The following NRDC variants were observed in gnomAD, a reference collection of about 807,000 sequenced individuals.
NRDC encodes nardilysin.
In NRDC, 54 loss-of-function variants were observed where a neutral mutation model predicts 147.1. The observed-to-expected ratio is 0.37, with a 90% CI of 0.29 to 0.46. The LOEUF (loss-of-function observed/expected upper bound fraction) is 0.46. Ranked by LOEUF, NRDC falls within the 20% of genes least tolerant of loss-of-function variation. NRDC has a pLI of 1.00. For missense variants in NRDC, 1,082 were observed against 1,370.6 expected (o/e 0.79, Z 3.33); for synonymous variants, 440 against 482.1 (o/e 0.91, Z 1.14).
intron 1 of NRDC, among the ~76,000 whole-genome samples, chr1:51,872,436 G>GTAC (rs1356293031): frequency 1.3e-5 from 2 of 152,224 alleles, no homozygotes. Context: ...GCCCGGTGCA[G>GTAC]TGGCTCATGC....
chr1:51,878,443 G>C lies in NRDC; in HGVS notation c.173C>G (p.Ser58Cys). 6.2e-7 allele frequency: 1 copy of C among 1,614,100 alleles called. No individual in the cohort carries two copies. The highest frequency in any genetic ancestry group is 8.5e-7 in the Non-Finnish European group (1 of 1,180,044). ...CTGCAGGTCAGGGCAGCTGCAGGTA[G>C]ACTTCGCCTTGTTCCTTCCAGGCAT... ...LAMPGRNKAK[S>C]TCSCPDLQPN... The change falls in exon 1 of 31, where the codon TCT becomes TGT. Residue 58 changes from serine to cysteine, a missense_variant. This residue lies in a region of NRDC where 260 missense variants were observed against 253.2 expected (regional missense o/e 1.03). Transcript: ENST00000352171.
intron 4 of NRDC, among the ~76,000 whole-genome samples, chr1:51,832,567 T>C (rs1478194893): frequency 6.6e-6 from 1 of 152,102 alleles, no homozygotes; most frequent in Non-Finnish European, 1.5e-5. Context: ...AAACGTGAGG[T>C]TTCTTTTTTC....
rs1683445875 is a variant in NRDC at position 51,878,536 on chromosome 1, A to G, written c.80T>C (p.Leu27Pro). The change falls in exon 1 of 31, where the codon CTC becomes CCC. Residue 27 changes from leucine to proline, a missense_variant. Leu to Pro is a moderately conservative substitution (Grantham distance 98). Transcript: ENST00000352171. ...CCGACCCCGCGTTTCGATTCCCCAG[A>G]GCGCCGCGAGCTCCCGCCCGGCCTC... The part of the protein sequence containing the change: ...LCEAGRELAA[L>P]WGIETRGRCE... 1 of 1,613,500 alleles carries G rather than the reference A, an allele frequency of 6.2e-7. No homozygotes were observed. Among genetic ancestry groups the G allele is most frequent in the Non-Finnish European group, 8.5e-7 (1 of 1,179,912 alleles).
intron 1 of NRDC, among the ~76,000 whole-genome samples, chr1:51,870,464 A>C (rs1322415175): frequency 6.6e-6 from 1 of 152,196 alleles, no homozygotes; most frequent in Admixed American, 6.5e-5. Flanking sequence ...AGTATTTACC[A>C]CGTATACACT....
intron 14 of NRDC, among the ~76,000 whole-genome samples, chr1:51,812,457 G>A (rs1360488276): frequency 6.6e-6 from 1 of 152,086 alleles, no homozygotes; most frequent in Non-Finnish European, 1.5e-5. Flanking sequence ...GAGCCCAGGA[G>A]GTTGAAGCTG....
At chr1:51,823,874 A>G in intron 6 of NRDC, 88 bp from the exon 7 acceptor site, 1 of 866,098 alleles carries the variant, frequency 1.2e-6, no homozygotes, top group South Asian at 2.2e-5. Flanking sequence ...TTGCTACCAT[A>G]CATGATTAAT....
intron 5 of NRDC, 38 bp downstream of exon 5, chr1:51,827,758 G>T: frequency 6.5e-7 from 1 of 1,526,900 alleles, no homozygotes; most frequent in Non-Finnish European, 9.1e-7. Context: ...GTTTCATGAA[G>T]GAAAAAACTG....
intron 5 of NRDC, 57 bp from the exon 6 acceptor site, chr1:51,825,439 T>C (rs558190824): frequency 7.8e-6 from 10 of 1,280,252 alleles, no homozygotes; most frequent in African/African-American, 3.0e-5. Flanking sequence ...CTTTATTATA[T>C]GGAAATTCAA....
intron 1 of NRDC, among the ~76,000 whole-genome samples, chr1:51,875,573 T>C (rs188765184): frequency 3.3e-5 from 5 of 152,310 alleles, no homozygotes; most frequent in Non-Finnish European, 7.4e-5. Flanking sequence ...TATTTATTTG[T>C]TTTTTGAGAC....
At chr1:51,832,262 G>C (rs934815393) in intron 4 of NRDC, among the ~76,000 whole-genome samples, 4 of 152,004 alleles carry the variant, frequency 2.6e-5, no homozygotes, top group Non-Finnish European at 4.4e-5. Context: ...GGCCAGGCTG[G>C]TCTCGAACTC....
At chr1:51,796,878 G>A (rs1187099810) in intron 22 of NRDC, among the ~76,000 whole-genome samples, 12 of 143,894 alleles carry the variant, frequency 8.3e-5, no homozygotes, top group Non-Finnish European at 1.2e-4. Context: ...GAGCCACCGC[G>A]CCTGGCCAAT....
chr1:51,806,221 A>G (rs920075452), intron 18 of NRDC, among the ~76,000 whole-genome samples: 1 of 152,148 alleles, frequency 6.6e-6, no homozygotes, highest in African/African-American at 2.4e-5. Context: ...TTATGCTGAA[A>G]AAAAAATGGT....
At chr1:51,829,131 C>T (rs1230376072) in intron 4 of NRDC, among the ~76,000 whole-genome samples, 5 of 152,048 alleles carry the variant, frequency 3.3e-5, no homozygotes, top group Non-Finnish European at 7.4e-5. Flanking sequence ...TGGCACATCA[C>T]GGCTCACTGG....
intron 1 of NRDC, among the ~76,000 whole-genome samples, chr1:51,871,216 C>T (rs1034329535): frequency 6.6e-6 from 1 of 152,122 alleles, no homozygotes; most frequent in Non-Finnish European, 1.5e-5. Context: ...GCTTTGGAGG[C>T]TGAGGCACGA....
chr1:51,808,290 T>C (rs951160496), intron 17 of NRDC, among the ~76,000 whole-genome samples: 1 of 152,196 alleles, frequency 6.6e-6, no homozygotes, highest in Non-Finnish European at 1.5e-5. Context: ...CTTAAGAGAC[T>C]GCTCCTCATT....
chr1:51,873,182 T>C (rs984393679), intron 1 of NRDC, among the ~76,000 whole-genome samples: 5 of 151,840 alleles, frequency 3.3e-5, no homozygotes, highest in Non-Finnish European at 5.9e-5. Flanking sequence ...AAAAAAAAGT[T>C]CTCTTGTTTT....
chr1:51,832,112 TCTCAGC>T (rs1680742517), intron 4 of NRDC, among the ~76,000 whole-genome samples: 1 of 152,066 alleles, frequency 6.6e-6, no homozygotes, highest in Non-Finnish European at 1.5e-5. Context: ...TATGGCATGA[TCTCAGC>T]TCACTGCAAC....
chr1:51,811,816 T>C (rs1403836080), intron 15 of NRDC, among the ~76,000 whole-genome samples, 178 bp downstream of exon 15: 1 of 152,238 alleles, frequency 6.6e-6, no homozygotes, highest in Non-Finnish European at 1.5e-5. Context: ...AACTTAATTA[T>C]GTAAAAGAAC....
intron 24 of NRDC, 37 bp downstream of exon 24, chr1:51,794,435 C>T (rs1389150883): frequency 6.2e-6 from 10 of 1,606,606 alleles, no homozygotes; most frequent in Non-Finnish European, 7.7e-6. Context: ...TCCCCAGGCA[C>T]TGGGCCTTCC....
Sources: allele counts gnomAD v4.1 joint callset (sites outside exome capture counted in the v4.1 genomes callset), GRCh38; gene constraint gnomAD v4.1.1; regional missense constraint gnomAD v4.1.1; transcripts MANE v1.5; gene names NCBI Gene and HGNC (gene_info 2026-07-23, HGNC 2026-07-21).